OPALIN: variants seen among roughly 807,000 people sequenced by gnomAD.
OPALIN encodes the protein oligodendrocytic myelin paranodal and inner loop protein.
In OPALIN, 15 loss-of-function variants were observed where a neutral mutation model predicts 17.8. The ratio of observed to expected loss-of-function variants is 0.84; its 90% confidence interval spans 0.56 to 1.29. The LOEUF is 1.29. OPALIN is among the 50% of genes most tolerant of loss of function. The probability of loss-of-function intolerance (pLI) is 0.00; values close to 1 mark genes in which losing one functional copy is unlikely to be tolerated. For missense variants in OPALIN, 170 were observed against 176.0 expected, an observed-to-expected ratio of 0.97 and a Z score of 0.19; for synonymous variants, 62 against 63.8, an observed-to-expected ratio of 0.97 and a Z score of 0.14.
At chr10:96,346,359 GC>G (rs1845323193) in intron 5 of OPALIN, among the ~76,000 whole-genome samples, 1 of 152,170 alleles carries the variant, frequency 6.6e-6, no homozygotes, top group Non-Finnish European at 1.5e-5. Context: ...GAGCTTTCAG[GC>G]CACTCAACTA....
intron 5 of OPALIN, among the ~76,000 whole-genome samples, chr10:96,346,495 G>T (rs1845333372): frequency 6.6e-6 from 1 of 152,196 alleles, no homozygotes; most frequent in Non-Finnish European, 1.5e-5. Context: ...TATAGCCAAT[G>T]TGAAATCTCT....
chr10:96,351,391 C>T lies in OPALIN; in HGVS notation c.59G>A (p.Gly20Asp), dbSNP rs1180710820. ...TGATATAGTTACCGTTTCTTTCCCA[C>T]CTGTGACAGGAGAGGACGTCTGTAT... ...PANTTSSPVT[G>D]GKETDCGPSL... Residue 20 changes from glycine (G) to aspartate (D), a missense_variant, in exon 3 of 6, where the codon GGT (glycine) becomes GAT (aspartate). Gly to Asp is a moderately conservative substitution (Grantham distance 94). Transcript: ENST00000371172. 2.6e-6 allele frequency: 4 copies of T among 1,540,778 alleles called. No homozygotes were observed. The highest frequency in any genetic ancestry group is 3.5e-6 in the Non-Finnish European group (4 of 1,136,874).
At chr10:96,357,523 G>A (rs1442840656) in intron 1 of OPALIN, among the ~76,000 whole-genome samples, 1 of 152,154 alleles carries the variant, frequency 6.6e-6, no homozygotes, top group Non-Finnish European at 1.5e-5. Flanking sequence ...GAGCTGTGTA[G>A]TCTTGGATAA....
rs1304186255 is a variant in OPALIN at position 96,343,715 on chromosome 10, T to C, written c.*2226A>G. The C allele has an allele frequency of 6.6e-6, 1 of 152,230 alleles. No individual in the cohort carries two copies. Among genetic ancestry groups the C allele is most frequent in the East Asian group, 1.9e-4 (1 of 5,204 alleles). 9.4% of individuals were successfully genotyped at this position (152,230 alleles called of 1,614,324 possible). A position where few individuals can be genotyped will look rare whatever the true frequency, so the allele number is the denominator to read the frequency against. On this transcript the variant is annotated 3_prime_UTR_variant, in exon 6 of 6. Coordinates refer to ENST00000371172, the MANE Select transcript of OPALIN (RefSeq NM_033207.5). ...TTAAGGTAATTAGATCCAGAGGACT[T>C]GGCACAAAACTGAGTTTCAAAAGGG... is the stretch of plus-strand genomic sequence containing the variant.
At chr10:96,346,984 T>C (rs1293202033) in intron 5 of OPALIN, among the ~76,000 whole-genome samples, 1 of 152,190 alleles carries the variant, frequency 6.6e-6, no homozygotes, top group East Asian at 1.9e-4. Context: ...ATTACTTTTA[T>C]ATATTGATTT....
chr10:96,356,621 A>G (rs1361105117), intron 1 of OPALIN, among the ~76,000 whole-genome samples: 4 of 152,242 alleles, frequency 2.6e-5, no homozygotes, highest in African/African-American at 9.6e-5. Context: ...CACCTATTTC[A>G]GCTGACTTAC....
chr10:96,356,026 G>A (rs1185039587), intron 1 of OPALIN, among the ~76,000 whole-genome samples: 1 of 152,190 alleles, frequency 6.6e-6, no homozygotes, highest in Non-Finnish European at 1.5e-5. Flanking sequence ...TTTCCAGGCT[G>A]CTCCTTACCA....
chr10:96,357,586 G>A (rs537410185), intron 1 of OPALIN, among the ~76,000 whole-genome samples: 1 of 152,084 alleles, frequency 6.6e-6, no homozygotes, highest in Non-Finnish European at 1.5e-5. Context: ...ATTCTCCAAG[G>A]CTCAGTTTTC....
chr10:96,351,332 A>C (rs1194742714), intron 3 of OPALIN, 46 bp downstream of exon 3: 1 of 1,117,230 alleles, frequency 9.0e-7, no homozygotes, highest in Non-Finnish European at 1.3e-6. Flanking sequence ...AGATGGATGG[A>C]GCATTATTAT....
chr10:96,358,564 T>C (rs1208064157), intron 1 of OPALIN, among the ~76,000 whole-genome samples: 1 of 152,260 alleles, frequency 6.6e-6, no homozygotes, highest in Non-Finnish European at 1.5e-5. Context: ...CCATCCATGT[T>C]GCTGATGATG....
chr10:96,346,113 G>T lies in OPALIN; in HGVS notation c.254C>A (p.Pro85His), dbSNP rs965352102. The change falls in exon 6 of 6, where the codon CCT (proline) becomes CAT (histidine). Residue 85 changes from proline (P) to histidine (H), a missense_variant. Physicochemically the swap from Pro to His is moderately conservative, Grantham distance 77. Coordinates refer to ENST00000371172, the MANE Select transcript of OPALIN (RefSeq NM_033207.5). ...CTTCTCATGTGTGGGTGATCTCCTA[G>T]GATTCTTAAGGAAACAAATAGGTTT... ...IDDNPKISEN[P>H]RRSPTHEKNT... 1 of 1,612,836 alleles carries T rather than the reference G, an allele frequency of 6.2e-7. No homozygotes were observed. Among genetic ancestry groups the T allele is most frequent in the Non-Finnish European group, 8.5e-7 (1 of 1,179,400 alleles).
chr10:96,352,114 T>C (rs1589389572), intron 2 of OPALIN, among the ~76,000 whole-genome samples: 2 of 152,132 alleles, frequency 1.3e-5, no homozygotes, highest in African/African-American at 4.8e-5. Flanking sequence ...ATTTACAAGC[T>C]AAGGGGTTGC....
At position 96,358,888 on chromosome 10, in the gene OPALIN, A is replaced by G; in HGVS notation, c.3+6T>C. ...CGATTGAGAAGAGATGCCAGCTTTC[A>G]CTCACCATTTCTGACAGTCTCCCAG... On this transcript the variant is annotated splice_donor_region_variant and intron_variant, in intron 1 of 5. Transcript: ENST00000371172. 1 of 1,614,076 alleles carries G rather than the reference A, an allele frequency of 6.2e-7. No individual in the cohort carries two copies. Among genetic ancestry groups the G allele is most frequent in the Non-Finnish European group, 8.5e-7 (1 of 1,179,926 alleles).
chr10:96,350,678 TAAAA>T (rs1036160024), intron 3 of OPALIN, among the ~76,000 whole-genome samples: 3 of 152,176 alleles, frequency 2.0e-5, no homozygotes, highest in Admixed American at 1.3e-4. Context: ...AATAAATAAA[TAAAA>T]AAGTGACATT....
chr10:96,350,381 A>G (rs192130099), intron 3 of OPALIN, among the ~76,000 whole-genome samples: 47 of 152,220 alleles, frequency 3.1e-4, no homozygotes, highest in African/African-American at 9.4e-4. Flanking sequence ...ACACCCAGCT[A>G]ATTTTTGTAT....
Position 96,349,731 on chromosome 10 carries a change from T to G in OPALIN, c.168A>C (p.Arg56Ser), listed in dbSNP as rs142983415. 1 of 1,613,928 alleles carries G rather than the reference T, an allele frequency of 6.2e-7. No individual in the cohort carries two copies. Among genetic ancestry groups the G allele is most frequent in the African/African-American group, 1.3e-5 (1 of 74,920 alleles). Residue 56 changes from arginine to serine, a missense_variant, in exon 4 of 6, where the codon AGA becomes AGC. By Grantham distance (110) the Arg-to-Ser change is moderately radical (BLOSUM62 -1). Coordinates refer to ENST00000371172, the MANE Select transcript of OPALIN (RefSeq NM_033207.5). Reference protein sequence around the residue: ...VALLFTLIHRRRSSIEAMEES... With the variant: ...VALLFTLIHRSRSSIEAMEES... ...CCTCCATGGCCTCAATGCTGCTTCT[T>G]CTTCGGTGAATCAAAGTAAATAGTA...
chr10:96,356,410 C>T (rs773566861), intron 1 of OPALIN, among the ~76,000 whole-genome samples: 19 of 152,194 alleles, frequency 1.2e-4, no homozygotes, highest in Non-Finnish European at 2.1e-4. Context: ...CCTGAATTAC[C>T]TGAAAGATCA....
chr10:96,351,292 T>C, intron 3 of OPALIN, 86 bp downstream of exon 3: 1 of 827,674 alleles, frequency 1.2e-6, no homozygotes, highest in Admixed American at 2.6e-5. Context: ...AGTTCACCTA[T>C]CAAACTTTAA....
At chr10:96,349,854 A>G (rs994450785) in intron 3 of OPALIN, 28 bp from the exon 4 acceptor site, 2 of 1,594,892 alleles carry the variant, frequency 1.3e-6, no homozygotes, top group Non-Finnish European at 1.7e-6. Context: ...ACACAGGGTC[A>G]GAGGAAGCCC....
Sources: gnomAD v4.1 joint callset for allele counts (sites outside exome capture counted in the v4.1 genomes callset) on GRCh38, gnomAD v4.1.1 for gene constraint, MANE v1.5 for transcripts, NCBI Gene and HGNC (gene_info 2026-07-23, HGNC 2026-07-21) for gene names.